The following ERICH3 variants were observed in gnomAD, a reference collection of about 807,000 sequenced individuals.
The protein encoded by ERICH3 is glutamate-rich protein 3.
Under a neutral mutation model 131.1 loss-of-function variants are expected in ERICH3, and 126 were observed. The observed-to-expected ratio is 0.96, with a 90% CI of 0.83 to 1.11. The LOEUF is 1.11. ERICH3 is among the 50% of genes most tolerant of loss of function. The pLI is 0.00. For missense variants in ERICH3, 2,050 were observed against 1,810.7 expected, an observed-to-expected ratio of 1.13 and a Z score of -2.40; for synonymous variants, 695 against 644.6, an observed-to-expected ratio of 1.08 and a Z score of -1.18.
chr1:74,572,085 G>C lies in ERICH3; in HGVS notation c.3625C>G (p.Arg1209Gly), dbSNP rs762258316. ...GCTAAGGCCCCCTCTCCATCTTGGC[G>C]GTGCCCTTCCTTCAGGGCCCTATTC... is the stretch of plus-strand genomic sequence containing the variant. Reference protein sequence around the residue: ...RENRALKEGHRQDGEGALAAP... With the variant: ...RENRALKEGHGQDGEGALAAP... Residue 1209 changes from arginine (R) to glycine (G), a missense_variant, in exon 14 of 15, where the codon CGC becomes GGC. Physicochemically the swap from Arg to Gly is moderately radical, Grantham distance 125. Transcript: ENST00000326665. 1 of 1,614,172 alleles carries C rather than the reference G, an allele frequency of 6.2e-7. No individual in the cohort carries two copies. The highest frequency in any genetic ancestry group is 8.5e-7 in the Non-Finnish European group (1 of 1,180,024).
chr1:74,643,078 T>A lies in ERICH3; in HGVS notation c.264A>T (p.Ile88=). 6.2e-7 allele frequency: 1 copy of A among 1,611,266 alleles called. No homozygotes were observed. The highest frequency in any genetic ancestry group is 1.7e-4 in the Middle Eastern group (1 of 6,040). ...LDMERYHQLE[I]KKKLETLARK... ...TAGCTAAGGTCTCCAATTTCTTTTTTATTTCAAGCTGATGGTAACGCTAAG... is the reference window on the plus strand; with the variant it reads ...TAGCTAAGGTCTCCAATTTCTTTTTAATTTCAAGCTGATGGTAACGCTAAG... Residue 88 remains isoleucine, a synonymous_variant, in exon 4 of 15, where the codon ATA becomes ATT. Coordinates refer to ENST00000326665, the MANE Select transcript of ERICH3 (RefSeq NM_001002912.5).
intron 1 of ERICH3, among the ~76,000 whole-genome samples, chr1:74,658,876 A>G (rs1005287516): frequency 1.3e-5 from 2 of 152,228 alleles, no homozygotes; most frequent in Non-Finnish European, 2.9e-5. Flanking sequence ...GGGGAAAATA[A>G]TTGTGCCTTA....
chr1:74,646,320 G>T (rs1010841569), intron 3 of ERICH3, among the ~76,000 whole-genome samples: 7 of 152,020 alleles, frequency 4.6e-5, no homozygotes, highest in Non-Finnish European at 5.9e-5. Flanking sequence ...GATGGTGAGG[G>T]CTGGTATGTT....
chr1:74,646,874 TGGA>T, intron 2 of ERICH3, 82 bp from the exon 3 acceptor site: 1 of 499,840 alleles, frequency 2.0e-6, no homozygotes, highest in Non-Finnish European at 3.2e-6. Flanking sequence ...GGCTGGAGGG[TGGA>T]GAAGACAGAC....
intron 2 of ERICH3, 118 bp downstream of exon 2, chr1:74,649,100 AAAGT>A (rs1646509854): frequency 4.8e-6 from 3 of 629,216 alleles, no homozygotes; most frequent in Admixed American, 3.1e-5. Flanking sequence ...CTTTGGAAAG[AAAGT>A]AATTTTTCTA....
At chr1:74,570,483 T>A in intron 14 of ERICH3, 44 bp from the exon 15 acceptor site, 1 of 152,212 alleles carries the variant, frequency 6.6e-6, no homozygotes. Flanking sequence ...ATAAAATCAC[T>A]CACAACAGTA....
chr1:74,593,853 T>G (rs1187176941), intron 11 of ERICH3, among the ~76,000 whole-genome samples: 2 of 152,140 alleles, frequency 1.3e-5, no homozygotes, highest in African/African-American at 2.4e-5. Context: ...TTTGTAATGA[T>G]AGACTGCAAT....
At chr1:74,661,512 C>T (rs1646641254) in intron 1 of ERICH3, among the ~76,000 whole-genome samples, 1 of 152,032 alleles carries the variant, frequency 6.6e-6, no homozygotes, top group Admixed American at 6.6e-5. Flanking sequence ...AAGAGGTTGT[C>T]CATTTAAAAG....
intron 9 of ERICH3, 122 bp from the exon 10 acceptor site, chr1:74,607,024 A>G: frequency 1.3e-6 from 1 of 790,174 alleles, no homozygotes; most frequent in Non-Finnish European, 2.0e-6. Context: ...TGTTTTGATT[A>G]CAGTACACAC....
intron 12 of ERICH3, 36 bp from the exon 13 acceptor site, chr1:74,576,972 A>G: frequency 6.4e-7 from 1 of 1,553,328 alleles, no homozygotes; most frequent in Admixed American, 1.9e-5. Context: ...AAAAGGTCAA[A>G]TGAATCACTG....
intron 8 of ERICH3, chr1:74,615,433 A>C (rs1648914540): frequency 1.3e-5 from 2 of 152,202 alleles, no homozygotes; most frequent in South Asian, 4.1e-4. Flanking sequence ...AAATATTAGA[A>C]AGCATTATAT....
intron 1 of ERICH3, among the ~76,000 whole-genome samples, chr1:74,671,399 A>G (rs1332073090): frequency 6.6e-6 from 1 of 151,900 alleles, no homozygotes; most frequent in Non-Finnish European, 1.5e-5. Flanking sequence ...CTGTTATTAC[A>G]CCCCCTTCCC....
rs534288196 is a variant in ERICH3 at position 74,605,501 on chromosome 1, GT to G, written c.1489+1099del. 4.7e-5 allele frequency among the ~76,000 whole-genome samples: 7 copies of G among 147,940 alleles called. No individual in the cohort carries two copies. The South Asian group carries it at 6.4e-4, about 14-fold the overall frequency. ...TATGCCTTCCTCACTAAGCCTAATC[GT>G]TTTTTTTTTATTTAAAGTGAAAAAC... On this transcript the variant is annotated intron_variant, in intron 10 of 14. Transcript: ENST00000326665.
chr1:74,588,804 G>T (rs1377945627), intron 12 of ERICH3, among the ~76,000 whole-genome samples: 1 of 151,970 alleles, frequency 6.6e-6, no homozygotes, highest in African/African-American at 2.4e-5. Context: ...CCTTCCATGT[G>T]TCTAAGGTCT....
chr1:74,604,309 C>T (rs1425615910), intron 10 of ERICH3, among the ~76,000 whole-genome samples: 2 of 151,902 alleles, frequency 1.3e-5, no homozygotes, highest in East Asian at 3.9e-4. Context: ...ATTACTTCCT[C>T]CACCAAAGGC....
intron 12 of ERICH3, among the ~76,000 whole-genome samples, chr1:74,585,893 A>G (rs1185840489): frequency 6.6e-6 from 1 of 152,094 alleles, no homozygotes; most frequent in East Asian, 1.9e-4. Context: ...TTCCCTGAGT[A>G]TTTGTATTTA....
At chr1:74,614,339 A>T (rs79518907) in intron 8 of ERICH3, among the ~76,000 whole-genome samples, 2 of 150,196 alleles carry the variant, frequency 1.3e-5, no homozygotes, top group Non-Finnish European at 2.9e-5. Flanking sequence ...AGTTATTTAG[A>T]AACACTGTGT....
chr1:74,616,696 T>C (rs1447642954), intron 8 of ERICH3, among the ~76,000 whole-genome samples: 1 of 151,784 alleles, frequency 6.6e-6, no homozygotes, highest in African/African-American at 2.4e-5. Context: ...TTCAAAGATA[T>C]AATTAGTGAA....
intron 1 of ERICH3, among the ~76,000 whole-genome samples, chr1:74,649,834 G>A (rs1465432779): frequency 2.0e-5 from 3 of 152,096 alleles, no homozygotes; most frequent in South Asian, 2.1e-4. Context: ...AATATCTGTG[G>A]TGTATAAGCC....
Sources: gnomAD v4.1 joint callset for allele counts (sites outside exome capture counted in the v4.1 genomes callset) on GRCh38, gnomAD v4.1.1 for gene constraint, MANE v1.5 for transcripts, NCBI Gene and HGNC (gene_info 2026-07-23, HGNC 2026-07-21) for gene names.